The following ACACB variants were observed in gnomAD, a reference collection of about 807,000 sequenced individuals.
ACACB encodes the protein acetyl-CoA carboxylase 2.
A neutral mutation model predicts 278.8 loss-of-function variants in ACACB; 209 were observed. The ratio of observed to expected loss-of-function variants is 0.75; its 90% confidence interval spans 0.67 to 0.84. The LOEUF (loss-of-function observed/expected upper bound fraction) is 0.84, where lower values mean the gene tolerates loss of function less well. Ranked by LOEUF, ACACB falls within the 40% of genes least tolerant of loss-of-function variation. The pLI is 0.00. For missense variants in ACACB, 2,850 were observed against 3,269.0 expected, an observed-to-expected ratio of 0.87 and a Z score of 3.13; for synonymous variants, 1,174 against 1,285.6, an observed-to-expected ratio of 0.91 and a Z score of 1.86.
At position 109,239,838 on chromosome 12, in the gene ACACB, C is replaced by A; in HGVS notation, c.4671C>A (p.Ser1557=). The A allele has an allele frequency of 6.2e-7, 1 of 1,612,472 alleles. No individual in the cohort carries two copies. Among genetic ancestry groups the A allele is most frequent in the East Asian group, 2.2e-5 (1 of 44,808 alleles). The change falls in exon 35 of 53, where the codon TCC becomes TCA. Residue 1557 remains serine, a synonymous_variant. Coordinates refer to ENST00000338432, the MANE Select transcript of ACACB (RefSeq NM_001093.4). ...CTCCCACTCTTTGGCAGGAAGCCTCCTTCGAATACCTGCAGAACGAGGGTG... is the reference window on the plus strand; with the variant it reads ...CTCCCACTCTTTGGCAGGAAGCCTCATTCGAATACCTGCAGAACGAGGGTG... ...RHSDLITKEA[S]FEYLQNEGER... is the part of the protein sequence containing the mutation.
chr12:109,196,511 G>T (rs1474930363), intron 16 of ACACB, among the ~76,000 whole-genome samples: 2 of 152,098 alleles, frequency 1.3e-5, no homozygotes, highest in Admixed American at 1.3e-4. Context: ...TTTTATAAGG[G>T]CACTAATCTC....
intron 52 of ACACB, 131 bp downstream of exon 52, chr12:109,265,656 C>G: frequency 8.9e-7 from 1 of 1,121,168 alleles, no homozygotes; most frequent in Non-Finnish European, 1.3e-6. Flanking sequence ...TCCCCGCCCC[C>G]TCCCCGCTCC....
rs567964302 is a variant in ACACB at position 109,235,255 on chromosome 12, A to G, written c.4348-58A>G. ...CATCCGTGTGGTAACATGCAGCAAT[A>G]CTTCAGTTCCTTTTACGGCCAAATA... On this transcript the variant is annotated intron_variant, in intron 31 of 52. Transcript: ENST00000338432. 4.9e-6 allele frequency: 7 copies of G among 1,436,924 alleles called. No individual in the cohort carries two copies. In the East Asian group the frequency reaches 1.1e-4, roughly 23 times the overall value. The allele number at this position is 1,436,924 out of a possible 1,614,324, so 89.0% of individuals were successfully genotyped here. A position where few individuals can be genotyped will look rare whatever the true frequency, so the allele number is the denominator to read the frequency against.
At chr12:109,197,359 C>T (rs1487502078) in intron 17 of ACACB, among the ~76,000 whole-genome samples, 1 of 152,088 alleles carries the variant, frequency 6.6e-6, no homozygotes, top group Non-Finnish European at 1.5e-5. Context: ...TCCTAGGAGG[C>T]CCTTTTCTAG....
In ACACB at chr12:109,233,825, T is replaced by C; in HGVS notation, c.4217T>C (p.Leu1406Pro). The C allele has an allele frequency of 1.9e-6, 3 of 1,614,170 alleles. No homozygotes were observed. Among genetic ancestry groups the C allele is most frequent in the Non-Finnish European group, 2.5e-6 (3 of 1,180,026 alleles). The change falls in exon 30 of 53, where the codon CTA (leucine) becomes CCA (proline). Residue 1406 changes from leucine (L) to proline (P), a missense_variant. Leu to Pro is a moderately conservative substitution (Grantham distance 98, BLOSUM62 -3). This residue lies in a region of ACACB where 2,265 missense variants were observed against 2,561.3 expected (regional missense o/e 0.88). Transcript: ENST00000338432. ...CTCTTCAGCGAGGCCCGCACCTCCC[T>C]ATACTCCGAGGATGACTGCAAGGTA... The part of the protein sequence containing the change: ...TPLFSEARTS[L>P]YSEDDCKSLR...
At chr12:109,184,348 C>T (rs945597462) in intron 11 of ACACB, among the ~76,000 whole-genome samples, 6 of 151,998 alleles carry the variant, frequency 3.9e-5, no homozygotes, top group Admixed American at 2.0e-4. Flanking sequence ...CCACTGTGCC[C>T]GGCCGTGGGC....
intron 28 of ACACB, among the ~76,000 whole-genome samples, chr12:109,228,658 C>CA (rs887136316): frequency 0.18 from 13,108 of 72,402 alleles, 730 homozygotes; most frequent in Middle Eastern, 0.24. Context: ...AACTCTGTCT[C>CA]AAAAAAAAAA....
intron 19 of ACACB, among the ~76,000 whole-genome samples, chr12:109,203,060 T>C (rs573613578): frequency 3.3e-5 from 5 of 152,330 alleles, no homozygotes; most frequent in Non-Finnish European, 7.4e-5. Context: ...CTGCTTTCTG[T>C]CTATCAATTC....
chr12:109,257,753 C>T (rs2047267245), intron 45 of ACACB, among the ~76,000 whole-genome samples: 1 of 151,984 alleles, frequency 6.6e-6, no homozygotes, highest in African/African-American at 2.4e-5. Flanking sequence ...TTATTTTTTG[C>T]AGATACAGGG....
chr12:109,209,112 T>C (rs941066378), intron 20 of ACACB, 53 bp from the exon 21 acceptor site: 7 of 1,519,588 alleles, frequency 4.6e-6, no homozygotes, highest in Non-Finnish European at 6.2e-6. Flanking sequence ...TTTGGGGCGG[T>C]GGTGCCCATG....
At chr12:109,208,346 G>A (rs779230708) in intron 20 of ACACB, among the ~76,000 whole-genome samples, 2 of 151,656 alleles carry the variant, frequency 1.3e-5, no homozygotes, top group Non-Finnish European at 2.9e-5. Flanking sequence ...CTTCCAAGTA[G>A]CTGGGGTTAC....
chr12:109,185,991 C>T (rs1158956765), intron 12 of ACACB, among the ~76,000 whole-genome samples: 1 of 151,972 alleles, frequency 6.6e-6, no homozygotes, highest in Non-Finnish European at 1.5e-5. Context: ...AGTGTAGTGG[C>T]GCAATCTTGG....
At chr12:109,254,776 C>T (rs943067396) in intron 44 of ACACB, among the ~76,000 whole-genome samples, 23 of 151,772 alleles carry the variant, frequency 1.5e-4, no homozygotes, top group African/African-American at 5.3e-4. Context: ...ATCTGGTCTC[C>T]TCTTCTTTTT....
At chr12:109,166,484 G>A (rs973550570) in intron 2 of ACACB, among the ~76,000 whole-genome samples, 2 of 150,466 alleles carry the variant, frequency 1.3e-5, no homozygotes, top group South Asian at 4.2e-4. Context: ...GAGTTTGGAC[G>A]AGCCTGGGCA....
At chr12:109,220,479 A>G (rs1159760080) in intron 24 of ACACB, among the ~76,000 whole-genome samples, 3 of 152,210 alleles carry the variant, frequency 2.0e-5, no homozygotes, top group African/African-American at 4.8e-5. Context: ...TGATTCTGAG[A>G]ACTAAAATAT....
intron 2 of ACACB, among the ~76,000 whole-genome samples, chr12:109,161,771 C>A (rs1319211327): frequency 6.7e-6 from 1 of 150,190 alleles, no homozygotes; most frequent in Non-Finnish European, 1.5e-5. Context: ...TGTGTGTATA[C>A]CTACATGTAT....
chr12:109,188,473 C>A (rs1341216601), intron 13 of ACACB, among the ~76,000 whole-genome samples: 2 of 140,256 alleles, frequency 1.4e-5, no homozygotes, highest in Non-Finnish European at 3.1e-5. Context: ...CTCCTTCCTT[C>A]TTTTCCTGAC....
rs1232436609 is a variant in ACACB at position 109,146,630 on chromosome 12, A to AC, written c.653+6576dup. On this transcript the variant is annotated intron_variant, in intron 2 of 52. Transcript: ENST00000338432. Reference sequence around the variant, plus strand: ...ACAGGCATGCCCTGTGCTTCAAGGGACCCCGTGCTTGTTTTGACGCTTTGT... The same window carrying AC: ...ACAGGCATGCCCTGTGCTTCAAGGGACCCCCGTGCTTGTTTTGACGCTTTGT... Among the ~76,000 whole-genome samples, 25 of 151,866 alleles carry AC rather than the reference A, an allele frequency of 1.6e-4. No homozygotes were observed. The Middle Eastern group carries it at 0.01, about 62-fold the overall frequency.
rs2044272932 is a variant in ACACB, at chr12:109,176,047, G to A, written c.1326+7G>A. On this transcript the variant is annotated splice_region_variant and intron_variant, in intron 8 of 52. Coordinates refer to ENST00000338432, the MANE Select transcript of ACACB (RefSeq NM_001093.4). ...CGTAGATGAGGGCTTGGAGGTAAAT[G>A]CAGAGCCTGTGGGGGCCAGGGGAGC... The A allele has an allele frequency of 1.9e-6, 3 of 1,613,866 alleles. No homozygotes were observed. Among genetic ancestry groups the A allele is most frequent in the Non-Finnish European group, 2.5e-6 (3 of 1,179,710 alleles).
Sources: allele counts gnomAD v4.1 joint callset (sites outside exome capture counted in the v4.1 genomes callset), GRCh38; gene constraint gnomAD v4.1.1; regional missense constraint gnomAD v4.1.1; transcripts MANE v1.5; gene names NCBI Gene and HGNC (gene_info 2026-07-23, HGNC 2026-07-21).